EVA1C: variants seen among roughly 807,000 people sequenced by gnomAD.
The protein encoded by EVA1C is eva-1 homolog C, also known as protein eva-1 homolog C.
EVA1C carries 25 observed loss-of-function variants against 45.4 expected under a neutral mutation model. That is an observed-to-expected ratio of 0.55 (90% confidence interval 0.40 to 0.77). The LOEUF (loss-of-function observed/expected upper bound fraction) is 0.77, where lower values mean the gene tolerates loss of function less well. Ranked by LOEUF, EVA1C falls within the 30% of genes least tolerant of loss-of-function variation. The pLI, the probability that EVA1C is intolerant of heterozygous loss-of-function variation, is 0.00. For synonymous variants in EVA1C, 190 were observed against 221.2 expected (o/e 0.86, Z 1.25); for missense variants, 479 against 554.8 (o/e 0.86, Z 1.37).
At chr21:32,433,377 A>G (rs772912100) in intron 1 of EVA1C, 4 of 152,396 alleles carry the variant, frequency 2.6e-5, no homozygotes, top group Non-Finnish European at 4.4e-5. Flanking sequence ...GTGTTCCCTG[A>G]ACAAAAGTGA....
intron 2 of EVA1C, among the ~76,000 whole-genome samples, chr21:32,456,397 C>G (rs994838962): frequency 6.6e-6 from 1 of 152,184 alleles, no homozygotes; most frequent in African/African-American, 2.4e-5. Context: ...GTGGTTGTAA[C>G]AGTGGAGCCC....
Position 32,457,695 on chromosome 21 carries a change from C to T in EVA1C, c.456C>T (p.Leu152=), listed in dbSNP as rs1828815472. The part of the protein sequence containing the change: ...PDLCPGSSKY[L]LVSFKCQPNE... ...TTTGTCCAGGAAGCAGTAAATACCT[C>T]CTGGTCTCCTTTAAATGCCAACCTA... Residue 152 remains leucine, a synonymous_variant, in exon 3 of 8, where the codon CTC becomes CTT. Transcript: ENST00000300255. 1 of 1,614,170 alleles carries T rather than the reference C, an allele frequency of 6.2e-7. No individual in the cohort carries two copies.
intron 4 of EVA1C, among the ~76,000 whole-genome samples, chr21:32,493,924 C>T (rs908239190): frequency 1.3e-5 from 2 of 152,062 alleles, no homozygotes; most frequent in Admixed American, 6.6e-5. Flanking sequence ...CTCAGCCTCC[C>T]GAGTAGCTGG....
intron 1 of EVA1C, among the ~76,000 whole-genome samples, chr21:32,446,956 A>G (rs2010585): frequency 0.51 from 77,790 of 151,514 alleles, 20,683 homozygotes; most frequent in African/African-American, 0.64. Flanking sequence ...GCTGGTCCTC[A>G]TTAGGAACTC....
At chr21:32,448,930 AAGAG>A (rs1450073487) in intron 1 of EVA1C, among the ~76,000 whole-genome samples, 4 of 146,010 alleles carry the variant, frequency 2.7e-5, no homozygotes, top group East Asian at 4.0e-4. Context: ...GAAAGAAAGA[AAGAG>A]AGAGAAAGAG....
At chr21:32,471,456 G>C (rs28630016) in intron 4 of EVA1C, among the ~76,000 whole-genome samples, 2,005 of 150,070 alleles carry the variant, frequency 0.013, 45 homozygotes, top group African/African-American at 0.046. Flanking sequence ...CTCCCAAGTA[G>C]CTGGGATTAC....
At chr21:32,478,974 C>G (rs2036680624) in intron 4 of EVA1C, among the ~76,000 whole-genome samples, 1 of 152,264 alleles carries the variant, frequency 6.6e-6, no homozygotes, top group South Asian at 2.1e-4. Flanking sequence ...GACAGCGGCA[C>G]TTAAGCAGCC....
intron 4 of EVA1C, among the ~76,000 whole-genome samples, chr21:32,476,930 C>T (rs999137542): frequency 6.6e-6 from 1 of 152,174 alleles, no homozygotes; most frequent in Non-Finnish European, 1.5e-5. Flanking sequence ...AAGCCCTAAG[C>T]TGGTCCCAAC....
intron 4 of EVA1C, among the ~76,000 whole-genome samples, chr21:32,494,737 G>A (rs138446453): frequency 0.012 from 1,816 of 150,692 alleles, 18 homozygotes; most frequent in Middle Eastern, 0.062. Flanking sequence ...GACTGAGATC[G>A]TGCCATTGCA....
intron 1 of EVA1C, among the ~76,000 whole-genome samples, chr21:32,423,070 C>CAAAAAAAAAAAAAAAA (rs3056306): frequency 5.8e-5 from 5 of 85,596 alleles, no homozygotes; most frequent in African/African-American, 2.3e-4. Flanking sequence ...GACTCTGTCT[C>CAAAAAAAAAAAAAAAA]AAAAAAAAAA....
chr21:32,460,426 C>T (rs1329896017), intron 3 of EVA1C, among the ~76,000 whole-genome samples: 1 of 152,186 alleles, frequency 6.6e-6, no homozygotes, highest in East Asian at 1.9e-4. Context: ...TTTAGATTTA[C>T]CTTATTTGTG....
intron 5 of EVA1C, among the ~76,000 whole-genome samples, chr21:32,499,212 G>A (rs1327615462): frequency 6.6e-6 from 1 of 152,218 alleles, no homozygotes; most frequent in Non-Finnish European, 1.5e-5. Flanking sequence ...AAGCCAAGAG[G>A]CAGACATGAG....
chr21:32,492,980 T>C (rs2037216026), intron 4 of EVA1C, among the ~76,000 whole-genome samples: 1 of 152,268 alleles, frequency 6.6e-6, no homozygotes, highest in African/African-American at 2.4e-5. Context: ...TGTGTGTGTG[T>C]GCATGCACAA....
chr21:32,500,414 G>C (rs2037491204), intron 5 of EVA1C, among the ~76,000 whole-genome samples: 1 of 151,868 alleles, frequency 6.6e-6, no homozygotes, highest in African/African-American at 2.4e-5. Flanking sequence ...GCCTCCCAAA[G>C]TGCTAGAATT....
At chr21:32,499,829 C>G (rs1163848761) in intron 5 of EVA1C, among the ~76,000 whole-genome samples, 1 of 152,212 alleles carries the variant, frequency 6.6e-6, no homozygotes, top group Non-Finnish European at 1.5e-5. Flanking sequence ...AGAATTCTTG[C>G]TCTGCCCTCT....
chr21:32,464,108 C>T (rs2036093239), intron 3 of EVA1C, among the ~76,000 whole-genome samples: 1 of 152,200 alleles, frequency 6.6e-6, no homozygotes, highest in South Asian at 2.1e-4. Context: ...AGAATCGAAC[C>T]TTCTGACGTT....
chr21:32,424,858 A>C (rs1302175503), intron 1 of EVA1C, among the ~76,000 whole-genome samples: 1 of 152,064 alleles, frequency 6.6e-6, no homozygotes, highest in African/African-American at 2.4e-5. Flanking sequence ...GATGATGATG[A>C]TGATTGATGA....
intron 5 of EVA1C, among the ~76,000 whole-genome samples, chr21:32,500,899 C>T (rs1424031317): frequency 6.6e-6 from 1 of 152,076 alleles, no homozygotes; most frequent in Non-Finnish European, 1.5e-5. Context: ...GCAACCTCTG[C>T]CTCCCGTGTT....
At chr21:32,493,768 CTTTT>C (rs1194575137) in intron 4 of EVA1C, 3 of 143,164 alleles carry the variant, frequency 2.1e-5, no homozygotes, top group South Asian at 2.3e-4. Flanking sequence ...GCAAGGTAGG[CTTTT>C]TATTTATTTA....
Sources: gnomAD v4.1 joint callset for allele counts (sites outside exome capture counted in the v4.1 genomes callset) on GRCh38, gnomAD v4.1.1 for gene constraint, MANE v1.5 for transcripts, NCBI Gene and HGNC (gene_info 2026-07-23, HGNC 2026-07-21) for gene names.